The following GALNT13 variants were observed in gnomAD, a reference collection of about 807,000 sequenced individuals.
GALNT13 encodes polypeptide N-acetylgalactosaminyltransferase 13.
A neutral mutation model predicts 64.2 loss-of-function variants in GALNT13; 28 were observed. That is an observed-to-expected ratio of 0.44 (90% CI 0.32 to 0.60). The LOEUF (loss-of-function observed/expected upper bound fraction) is 0.60, where lower values mean the gene tolerates loss of function less well. GALNT13 is among the 20% of genes least tolerant of loss of function. The pLI is 0.05. For missense variants in GALNT13, 577 were observed against 669.8 expected (o/e 0.86, Z 1.53); for synonymous variants, 214 against 224.6 (o/e 0.95, Z 0.42).
At chr2:154,425,920 G>T (rs1319156405) in intron 11 of GALNT13, among the ~76,000 whole-genome samples, 2 of 152,142 alleles carry the variant, frequency 1.3e-5, no homozygotes, top group South Asian at 2.1e-4. Context: ...TCTAGTTTTT[G>T]CATGTTTCCT....
At chr2:153,152,601 C>T in the GALNT13 span, among the ~76,000 whole-genome samples, 1 of 150,766 alleles carries the variant, frequency 6.6e-6, no homozygotes, top group Non-Finnish European at 1.5e-5. Flanking sequence ...GTGTGTGCCT[C>T]TATGTGTCCA....
chr2:153,789,474 C>A, the GALNT13 span, among the ~76,000 whole-genome samples: 1 of 152,000 alleles, frequency 6.6e-6, no homozygotes, highest in Non-Finnish European at 1.5e-5. Context: ...GTACTAAATG[C>A]CCACACCAAA....
At chr2:154,183,097 G>A (rs879407777) in intron 4 of GALNT13, among the ~76,000 whole-genome samples, 1 of 152,138 alleles carries the variant, frequency 6.6e-6, no homozygotes, top group Non-Finnish European at 1.5e-5. Flanking sequence ...AGATTGAGAA[G>A]CATTGGCATT....
the GALNT13 span, among the ~76,000 whole-genome samples, chr2:153,790,138 A>G: frequency 6.6e-6 from 1 of 152,140 alleles, no homozygotes; most frequent in African/African-American, 2.4e-5. Flanking sequence ...AAAAAAGAAA[A>G]CTTCAGGCCA....
At chr2:153,804,587 C>A in the GALNT13 span, among the ~76,000 whole-genome samples, 5 of 151,972 alleles carry the variant, frequency 3.3e-5, no homozygotes, top group African/African-American at 1.2e-4. Flanking sequence ...TAAAAAAACT[C>A]GTGACTAATT....
chr2:153,127,572 C>T, the GALNT13 span, among the ~76,000 whole-genome samples: 11 of 152,268 alleles, frequency 7.2e-5, no homozygotes, highest in African/African-American at 2.4e-4. Context: ...TTAGTGATAT[C>T]CAAACACCAG....
At chr2:154,064,223 T>C (rs1014670852) in intron 3 of GALNT13, among the ~76,000 whole-genome samples, 3 of 152,140 alleles carry the variant, frequency 2.0e-5, no homozygotes, top group Non-Finnish European at 2.9e-5. Context: ...ATCCCAGTGG[T>C]TGGAACTTGA....
At chr2:154,298,848 T>G (rs1055253900) in intron 8 of GALNT13, among the ~76,000 whole-genome samples, 1 of 123,864 alleles carries the variant, frequency 8.1e-6, no homozygotes, top group African/African-American at 3.0e-5. Context: ...AATTATATAT[T>G]ATTTATATAT....
At chr2:153,166,288 C>T in the GALNT13 span, among the ~76,000 whole-genome samples, 2 of 152,146 alleles carry the variant, frequency 1.3e-5, no homozygotes, top group East Asian at 1.9e-4. Context: ...GCCACCTCCA[C>T]GATTATGTTA....
At chr2:154,038,662 A>G (rs551972697) in intron 3 of GALNT13, among the ~76,000 whole-genome samples, 3 of 152,300 alleles carry the variant, frequency 2.0e-5, no homozygotes, top group South Asian at 2.1e-4. Context: ...TAAAATCACT[A>G]GAAGAAAACA....
At chr2:153,597,883 G>GAT in the GALNT13 span, among the ~76,000 whole-genome samples, 2 of 151,970 alleles carry the variant, frequency 1.3e-5, no homozygotes, top group African/African-American at 4.8e-5. Flanking sequence ...TAAATAATGA[G>GAT]ATATAACTTT....
the GALNT13 span, among the ~76,000 whole-genome samples, chr2:153,188,670 T>C: frequency 1.3e-5 from 2 of 152,132 alleles, no homozygotes; most frequent in African/African-American, 2.4e-5. Context: ...ACTTTTAAAA[T>C]AATAATTTTA....
the GALNT13 span, among the ~76,000 whole-genome samples, chr2:153,103,337 T>C: frequency 2.0e-5 from 3 of 152,180 alleles, no homozygotes; most frequent in African/African-American, 7.2e-5. Context: ...TCCTCTTGCA[T>C]AGAACACTCT....
At chr2:154,193,500 A>C (rs1027046579) in intron 4 of GALNT13, among the ~76,000 whole-genome samples, 6 of 152,178 alleles carry the variant, frequency 3.9e-5, no homozygotes, top group Admixed American at 2.0e-4. Flanking sequence ...CATCACTTGA[A>C]TGTTGAAAGT....
intron 1 of GALNT13, among the ~76,000 whole-genome samples, chr2:153,876,214 C>T (rs1006129363): frequency 2.4e-4 from 21 of 86,860 alleles, no homozygotes; most frequent in Admixed American, 4.3e-4. Context: ...CACACACACA[C>T]ACACACACAC....
intron 9 of GALNT13, among the ~76,000 whole-genome samples, chr2:154,362,679 T>C (rs1345167477): frequency 6.6e-6 from 1 of 152,182 alleles, no homozygotes; most frequent in Admixed American, 6.5e-5. Flanking sequence ...TACAGAATTA[T>C]GAGCTAAAAA....
chr2:154,365,282 A>G (rs894108371), intron 9 of GALNT13, among the ~76,000 whole-genome samples: 1 of 152,182 alleles, frequency 6.6e-6, no homozygotes, highest in East Asian at 1.9e-4. Flanking sequence ...GTCACAATCA[A>G]TTGTTGGATA....
At chr2:153,934,660 G>T (rs1292180470) in intron 2 of GALNT13, among the ~76,000 whole-genome samples, 1 of 152,152 alleles carries the variant, frequency 6.6e-6, no homozygotes, top group Non-Finnish European at 1.5e-5. Context: ...ATATATGTTT[G>T]TGTGTGTTCC....
chr2:153,957,773 TC>T (rs779030455), intron 3 of GALNT13, among the ~76,000 whole-genome samples: 1 of 152,184 alleles, frequency 6.6e-6, no homozygotes, highest in South Asian at 2.1e-4. Context: ...TTCTTTTTTT[TC>T]CTATTGCCCT....
Sources: allele counts gnomAD v4.1 joint callset (sites outside exome capture counted in the v4.1 genomes callset), GRCh38; gene constraint gnomAD v4.1.1; transcripts MANE v1.5; gene names NCBI Gene and HGNC (gene_info 2026-07-23, HGNC 2026-07-21).